Variants in DRD2 observed in about 807,000 individuals in gnomAD.
The protein encoded by DRD2 is dopamine receptor D2.
In DRD2, 8 loss-of-function variants were observed where a neutral mutation model predicts 38.0. That is an observed-to-expected ratio of 0.21 (90% confidence interval 0.12 to 0.38). The LOEUF is 0.38. DRD2 is among the 10% of genes least tolerant of loss of function. DRD2 has a pLI of 1.00. For missense variants in DRD2, 403 were observed against 607.7 expected (o/e 0.66, Z 3.54); for synonymous variants, 230 against 238.6 (o/e 0.96, Z 0.33).
At chr11:113,428,856 G>A (rs1591283436) in intron 1 of DRD2, among the ~76,000 whole-genome samples, 2 of 152,238 alleles carry the variant, frequency 1.3e-5, no homozygotes, top group East Asian at 3.9e-4. Flanking sequence ...CACACTCCTG[G>A]CCTCAAGAGA....
chr11:113,452,328 G>A (rs1951216962), intron 1 of DRD2, among the ~76,000 whole-genome samples: 1 of 152,110 alleles, frequency 6.6e-6, no homozygotes, highest in African/African-American at 2.4e-5. Context: ...CACAAGAAAA[G>A]CAGCAACTGT....
intron 1 of DRD2, among the ~76,000 whole-genome samples, chr11:113,447,074 G>A (rs758323951): frequency 9.3e-5 from 14 of 151,280 alleles, no homozygotes; most frequent in African/African-American, 1.2e-4. Flanking sequence ...TGCCCTCAGG[G>A]AACTTGGGAT....
intron 1 of DRD2, among the ~76,000 whole-genome samples, chr11:113,452,469 T>TGTGTGTGTGTGTGTGTGTGTGC (rs1210531875): frequency 2.5e-5 from 3 of 118,836 alleles, no homozygotes; most frequent in African/African-American, 1.1e-4. Context: ...TGTGTGTGTG[T>TGTGTGTGTGTGTGTGTGTGTGC]GCGCGCGCGC....
At chr11:113,431,261 C>T (rs1294436891) in intron 1 of DRD2, among the ~76,000 whole-genome samples, 1 of 152,210 alleles carries the variant, frequency 6.6e-6, no homozygotes, top group African/African-American at 2.4e-5. Flanking sequence ...AGCTGCCAGG[C>T]CTCACTCCAG....
chr11:113,412,795 G>A lies in DRD2; in HGVS notation c.899C>T (p.Pro300Leu). 6.2e-7 allele frequency: 1 copy of A among 1,614,026 alleles called. No homozygotes were observed. The highest frequency in any genetic ancestry group is 8.5e-7 in the Non-Finnish European group (1 of 1,179,958). ...GGGGAGAGTCAGCTGGTGGTGGCTG[G>A]GTGGGATGGGGCTGTACCGGGTCCT... ...PERTRYSPIP[P>L]SHHQLTLPDP... is the part of the protein sequence containing the mutation. Residue 300 changes from proline to leucine, a missense_variant, in exon 7 of 8, where the codon CCC (proline) becomes CTC (leucine). Transcript: ENST00000362072.
chr11:113,415,571 G>A lies in DRD2; in HGVS notation c.573C>T (p.Val191=), dbSNP rs961789208. The A allele has an allele frequency of 1.2e-6, 2 of 1,614,086 alleles. No individual in the cohort carries two copies. The highest frequency in any genetic ancestry group is 1.3e-5 in the African/African-American group (1 of 74,940). Residue 191 remains valine, a synonymous_variant, in exon 5 of 8, where the codon GTC becomes GTT. Coordinates refer to ENST00000362072, the MANE Select transcript of DRD2 (RefSeq NM_000795.4). ...CGTAGAAGGAGACGATGGAGGAGTAGACCACGAAGGCCGGGTTGGCAATGA... is the reference window on the plus strand; with the variant it reads ...CGTAGAAGGAGACGATGGAGGAGTAAACCACGAAGGCCGGGTTGGCAATGA... The part of the protein sequence containing the change: ...ECIIANPAFV[V]YSSIVSFYVP...
chr11:113,435,330 T>G (rs1296701039), intron 1 of DRD2, among the ~76,000 whole-genome samples: 4 of 127,060 alleles, frequency 3.1e-5, no homozygotes, highest in African/African-American at 5.9e-5. Context: ...TGACTCAGTG[T>G]GGGGGGGGGT....
chr11:113,452,768 C>T (rs1951229135), intron 1 of DRD2, among the ~76,000 whole-genome samples: 1 of 151,792 alleles, frequency 6.6e-6, no homozygotes, highest in African/African-American at 2.4e-5. Flanking sequence ...CTGCCTCAGC[C>T]TCTTGAGTAG....
chr11:113,440,348 C>T (rs1951078404), intron 1 of DRD2, among the ~76,000 whole-genome samples: 1 of 152,218 alleles, frequency 6.6e-6, no homozygotes, highest in African/African-American at 2.4e-5. Context: ...TAAAGGCATG[C>T]ACTTACAGGA....
chr11:113,419,659 C>A (rs2138171170), intron 2 of DRD2, among the ~76,000 whole-genome samples: 2 of 152,264 alleles, frequency 1.3e-5, no homozygotes, highest in East Asian at 3.9e-4. Flanking sequence ...CCAATAGGAG[C>A]AGAGAGGAGC....
intron 1 of DRD2, among the ~76,000 whole-genome samples, chr11:113,447,108 C>T (rs777723613): frequency 6.6e-6 from 1 of 152,186 alleles, no homozygotes; most frequent in African/African-American, 2.4e-5. Context: ...ATAGCCCTTG[C>T]AAGTCCAAAC....
intron 1 of DRD2, among the ~76,000 whole-genome samples, chr11:113,471,145 T>A (rs1456253409): frequency 6.6e-6 from 1 of 152,242 alleles, no homozygotes; most frequent in Non-Finnish European, 1.5e-5. Context: ...GCTGACACTA[T>A]AATCAAGCTA....
At chr11:113,472,176 AACAC>A (rs1436892440) in intron 1 of DRD2, among the ~76,000 whole-genome samples, 4 of 152,206 alleles carry the variant, frequency 2.6e-5, no homozygotes, top group Non-Finnish European at 5.9e-5. Context: ...CGTGTATGCA[AACAC>A]ACACAAACAC....
intron 2 of DRD2, among the ~76,000 whole-genome samples, chr11:113,420,962 A>G (rs1950879039): frequency 6.6e-6 from 1 of 152,186 alleles, no homozygotes; most frequent in Non-Finnish European, 1.5e-5. Flanking sequence ...ACAGGCCCTG[A>G]GCTGGCTCAG....
At chr11:113,438,437 G>A (rs564488375) in intron 1 of DRD2, among the ~76,000 whole-genome samples, 2 of 152,148 alleles carry the variant, frequency 1.3e-5, no homozygotes, top group African/African-American at 4.8e-5. Context: ...AACAGCTGCC[G>A]GAAAGGAGCT....
intron 1 of DRD2, among the ~76,000 whole-genome samples, chr11:113,465,042 C>A (rs1165704893): frequency 6.6e-6 from 1 of 152,170 alleles, no homozygotes; most frequent in African/African-American, 2.4e-5. Flanking sequence ...CAACTGCAAA[C>A]TCTCCTAGGT....
rs1189541406 is a variant in DRD2, at chr11:113,424,493, C to T, written c.159G>A (p.Val53=). The T allele has an allele frequency of 1.9e-5, 31 of 1,614,140 alleles. No individual in the cohort carries two copies. The highest frequency in any genetic ancestry group is 2.6e-5 in the Non-Finnish European group (31 of 1,180,056). ...CGCGGGACACAGCCATGCACACCAG[C>T]ACGTTGCCGAAGACGATGACAGCGA... ...LLIAVIVFGN[V]LVCMAVSREK... is the part of the protein sequence containing the mutation. Residue 53 remains valine, a synonymous_variant, in exon 2 of 8, where the codon GTG becomes GTA. Transcript: ENST00000362072.
chr11:113,451,604 C>T (rs976644791), intron 1 of DRD2, among the ~76,000 whole-genome samples: 4 of 152,266 alleles, frequency 2.6e-5, no homozygotes, highest in Admixed American at 6.5e-5. Context: ...GATTCTCCTG[C>T]CTCAGCCTCC....
intron 1 of DRD2, among the ~76,000 whole-genome samples, chr11:113,451,520 C>A (rs1435622040): frequency 6.6e-6 from 1 of 152,114 alleles, no homozygotes; most frequent in East Asian, 1.9e-4. Context: ...GAGATGGAAT[C>A]TTGCTCTGTC....
Sources: allele counts gnomAD v4.1 joint callset (sites outside exome capture counted in the v4.1 genomes callset), GRCh38; gene constraint gnomAD v4.1.1; transcripts MANE v1.5; gene names NCBI Gene and HGNC (gene_info 2026-07-23, HGNC 2026-07-21).